GALNT11: variants seen among roughly 807,000 people sequenced by gnomAD.
The protein encoded by GALNT11 is UDP-GalNAc:polypeptide N-acetylgalactosaminyltransferase 11.
In GALNT11, 47 loss-of-function variants were observed where a neutral mutation model predicts 72.7. The ratio of observed to expected loss-of-function variants is 0.65; its 90% CI spans 0.51 to 0.82. GALNT11 has a LOEUF of 0.82. GALNT11 is among the 40% of genes least tolerant of loss of function. The probability of loss-of-function intolerance (pLI) is 0.00; values close to 1 mark genes in which losing one functional copy is unlikely to be tolerated. For synonymous variants in GALNT11, 270 were observed against 286.6 expected (o/e 0.94, Z 0.58); for missense variants, 677 against 778.4 (o/e 0.87, Z 1.55).
At chr7:152,028,636 G>C (rs1025832844) in intron 1 of GALNT11, among the ~76,000 whole-genome samples, 64 of 152,230 alleles carry the variant, frequency 4.2e-4, no homozygotes, top group African/African-American at 1.5e-3. Context: ...AGTTCTCCAA[G>C]TCCCCACCCG....
At chr7:152,035,041 G>A (rs2082495234) in intron 1 of GALNT11, among the ~76,000 whole-genome samples, 1 of 152,162 alleles carries the variant, frequency 6.6e-6, no homozygotes, top group South Asian at 2.1e-4. Flanking sequence ...CTGAGGGAGG[G>A]GAGGGATCTC....
chr7:152,031,869 A>G (rs1198506433), intron 1 of GALNT11, among the ~76,000 whole-genome samples: 1 of 152,142 alleles, frequency 6.6e-6, no homozygotes, highest in Admixed American at 6.5e-5. Flanking sequence ...GGGCCTGGCT[A>G]TCTTGCTCTA....
chr7:152,101,931 C>T (rs1016935537), intron 3 of GALNT11, among the ~76,000 whole-genome samples: 1 of 152,120 alleles, frequency 6.6e-6, no homozygotes, highest in African/African-American at 2.4e-5. Context: ...TGCGCCTGGC[C>T]AGTTCATGGC....
intron 1 of GALNT11, among the ~76,000 whole-genome samples, chr7:152,082,632 T>G (rs1329211850): frequency 6.6e-6 from 1 of 152,228 alleles, no homozygotes; most frequent in East Asian, 1.9e-4. Flanking sequence ...ATTGATTTCT[T>G]TATTATGGCT....
intron 3 of GALNT11, among the ~76,000 whole-genome samples, chr7:152,101,840 G>A (rs1282604319): frequency 1.3e-5 from 2 of 152,062 alleles, no homozygotes; most frequent in Non-Finnish European, 2.9e-5. Flanking sequence ...CACCATGTTG[G>A]CCAGGCTGGT....
At chr7:152,042,886 T>A (rs1040130532) in intron 1 of GALNT11, among the ~76,000 whole-genome samples, 12 of 152,174 alleles carry the variant, frequency 7.9e-5, no homozygotes, top group African/African-American at 1.9e-4. Flanking sequence ...TATGTTAAAT[T>A]GAGTGGGTGG....
chr7:152,081,041 A>G (rs1269499357), intron 1 of GALNT11, among the ~76,000 whole-genome samples: 1 of 152,122 alleles, frequency 6.6e-6, no homozygotes, highest in Non-Finnish European at 1.5e-5. Flanking sequence ...TTGCCTGTAG[A>G]TCTTCTACTG....
intron 7 of GALNT11, 63 bp from the exon 8 acceptor site, chr7:152,113,183 T>G: frequency 6.7e-7 from 1 of 1,501,724 alleles, no homozygotes. Flanking sequence ...TCATTGAAAA[T>G]TCATACATTG....
At chr7:152,088,873 T>C (rs566786445) in intron 1 of GALNT11, among the ~76,000 whole-genome samples, 3 of 152,308 alleles carry the variant, frequency 2.0e-5, no homozygotes, top group Admixed American at 2.0e-4. Context: ...CTGTTTTCAG[T>C]CTGTGTCTGT....
intron 7 of GALNT11, 92 bp downstream of exon 7, chr7:152,110,737 TA>T: frequency 9.5e-7 from 1 of 1,047,142 alleles, no homozygotes; most frequent in Non-Finnish European, 1.4e-6. Context: ...TCTCCTTGAT[TA>T]TTTTTTTTTC....
At chr7:152,038,428 T>C (rs1215355230) in intron 1 of GALNT11, among the ~76,000 whole-genome samples, 1 of 152,250 alleles carries the variant, frequency 6.6e-6, no homozygotes, top group African/African-American at 2.4e-5. Context: ...TTGTTTGTGG[T>C]TTAAGAATGC....
chr7:152,117,309 C>T lies in GALNT11; in HGVS notation c.1386C>T (p.Ala462=), dbSNP rs2088958544. The change falls in exon 9 of 12, where the codon GCC becomes GCT. Residue 462 remains alanine, a synonymous_variant. Coordinates refer to ENST00000430044, the MANE Select transcript of GALNT11 (RefSeq NM_022087.4). The part of the protein sequence containing the change: ...YPEMQISGSH[A]KPQQPIFVNR... ...AGATGCAGATATCTGGGTCCCACGC[C>T]AAACCCCAACAACCCATTTTTGTCA... 1.9e-6 allele frequency: 3 copies of T among 1,614,130 alleles called. No individual in the cohort carries two copies. The highest frequency in any genetic ancestry group is 1.7e-6 in the Non-Finnish European group (2 of 1,180,020).
chr7:152,120,974 G>A lies in GALNT11; in HGVS notation c.1695+6G>A. ...CCCAGCAGTGGACCTTTGGGGTGAG[G>A]AGTGCTCGGTGATGTTGGGAGAATG... On this transcript the variant is annotated splice_donor_region_variant and intron_variant, in intron 11 of 11. Transcript: ENST00000430044. The A allele has an allele frequency of 6.2e-7, 1 of 1,612,272 alleles. No individual in the cohort carries two copies.
intron 1 of GALNT11, among the ~76,000 whole-genome samples, chr7:152,043,667 C>T (rs2082981489): frequency 1.3e-5 from 2 of 152,132 alleles, no homozygotes; most frequent in Admixed American, 1.3e-4. Flanking sequence ...AGTGGGGCAA[C>T]TACTTTTCGC....
intron 6 of GALNT11, among the ~76,000 whole-genome samples, chr7:152,108,580 T>C (rs899793858): frequency 6.6e-6 from 1 of 152,236 alleles, no homozygotes; most frequent in African/African-American, 2.4e-5. Flanking sequence ...TGGTGGTTGC[T>C]GTTTGGTATG....
chr7:152,046,432 A>C lies in GALNT11; in HGVS notation c.-39+20548A>C, dbSNP rs140752953. On this transcript the variant is annotated intron_variant, in intron 1 of 11. Coordinates refer to ENST00000430044, the MANE Select transcript of GALNT11 (RefSeq NM_022087.4). Reference sequence around the variant, plus strand: ...GTCTTCAGTTATTGTATTGGGATCTATCTCTCTCTTTAGCTCTAATAATAT... The same window carrying C: ...GTCTTCAGTTATTGTATTGGGATCTCTCTCTCTCTTTAGCTCTAATAATAT... Among the ~76,000 whole-genome samples, 966 of 152,214 alleles carry C rather than the reference A, an allele frequency of 6.3e-3. 7 individuals carry two copies. Among genetic ancestry groups the C allele is most frequent in the Middle Eastern group, 0.024 (7 of 294 alleles).
intron 2 of GALNT11, among the ~76,000 whole-genome samples, chr7:152,096,739 A>C (rs1272762617): frequency 6.6e-6 from 1 of 152,164 alleles, no homozygotes; most frequent in East Asian, 1.9e-4. Context: ...AAAAGTGAAA[A>C]AAGACAACCC....
chr7:152,113,382 G>A lies in GALNT11; in HGVS notation c.1217G>A (p.Trp406Ter). The A allele has an allele frequency of 6.2e-7, 1 of 1,613,664 alleles. No individual in the cohort carries two copies. Among genetic ancestry groups the A allele is most frequent in the Non-Finnish European group, 8.5e-7 (1 of 1,179,886 alleles). Reference sequence around the variant, plus strand: ...AACTCTTTGCGGCTGGCACATGTCTGGTTGGATGAATACAAGGTGAGATGA... The same window carrying A: ...AACTCTTTGCGGCTGGCACATGTCTAGTTGGATGAATACAAGGTGAGATGA... Reference protein sequence around the residue: ...THNSLRLAHVWLDEYKEQYFS... With the variant: ...THNSLRLAHV The change falls in exon 8 of 12, where the codon TGG (tryptophan) becomes TAG (stop). Residue 406 changes from tryptophan to a stop codon, truncating the protein, a stop_gained. Coordinates refer to ENST00000430044, the MANE Select transcript of GALNT11 (RefSeq NM_022087.4). LOFTEE classifies it high-confidence loss of function.
At chr7:152,080,084 G>A (rs1249641659) in intron 1 of GALNT11, among the ~76,000 whole-genome samples, 3 of 152,194 alleles carry the variant, frequency 2.0e-5, no homozygotes, top group African/African-American at 7.2e-5. Context: ...AGGTGGTTAA[G>A]AATTTCAGAT....
Sources: gnomAD v4.1 joint callset for allele counts (sites outside exome capture counted in the v4.1 genomes callset) on GRCh38, gnomAD v4.1.1 for gene constraint, MANE v1.5 for transcripts, NCBI Gene and HGNC (gene_info 2026-07-23, HGNC 2026-07-21) for gene names.